The following ZDHHC21 variants were observed in gnomAD, a reference collection of about 807,000 sequenced individuals.
ZDHHC21 encodes palmitoyltransferase ZDHHC21.
A neutral mutation model predicts 34.6 loss-of-function variants in ZDHHC21; 15 were observed. The ratio of observed to expected loss-of-function variants is 0.43; its 90% CI spans 0.29 to 0.67. The LOEUF is 0.67. Ranked by LOEUF, ZDHHC21 falls within the 30% of genes least tolerant of loss-of-function variation. The pLI is 0.14. For synonymous variants in ZDHHC21, 142 were observed against 101.8 expected, an observed-to-expected ratio of 1.40 and a Z score of -2.38; for missense variants, 344 against 327.7, an observed-to-expected ratio of 1.05 and a Z score of -0.38.
In ZDHHC21 at chr9:14,658,958, A is replaced by C. The variant is rs1413003583; in HGVS notation, c.366-71T>G. ...AGTTCACCTCAGGATCAATAAGACT[A>C]AATTAAAAACAAATAATATCACATA... On this transcript the variant is annotated intron_variant, in intron 6 of 9. Coordinates refer to ENST00000380916, the MANE Select transcript of ZDHHC21 (RefSeq NM_178566.6). 4.7e-6 allele frequency: 7 copies of C among 1,478,880 alleles called. No homozygotes were observed. In the African/African-American group the frequency reaches 8.5e-5, roughly 18 times the overall value. 91.6% of individuals were successfully genotyped at this position (1,478,880 alleles called of 1,614,324 possible).
At chr9:14,658,464 C>CTTTTTTTTTTTTTT (rs769819264) in intron 7 of ZDHHC21, among the ~76,000 whole-genome samples, 2 of 65,390 alleles carry the variant, frequency 3.1e-5, no homozygotes, top group Admixed American at 2.7e-4. Context: ...ATAAACATTT[C>CTTTTTTTTTTTTTT]TTTTTTTTTT....
At chr9:14,693,126 G>A (rs1208166567) in intron 1 of ZDHHC21, 103 bp downstream of exon 1, 2 of 212,698 alleles carry the variant, frequency 9.4e-6, no homozygotes, top group Non-Finnish European at 1.9e-5. Flanking sequence ...GAGGAGCGGC[G>A]GGCGGGCCCG....
At chr9:14,675,148 G>C (rs756870038) in intron 3 of ZDHHC21, among the ~76,000 whole-genome samples, 17 of 151,782 alleles carry the variant, frequency 1.1e-4, no homozygotes, top group Non-Finnish European at 2.5e-4. Flanking sequence ...TTTTTTAGTT[G>C]AGTGTTAACA....
rs1293490169 is a variant in ZDHHC21 at position 14,616,799 on chromosome 9, T to C, written c.*2167A>G. ...CAAATAAAATAAGTGTATGCTTTTC[T>C]AGTATATTAGTTTGTAGTCCAATAA... On this transcript the variant is annotated 3_prime_UTR_variant, in exon 10 of 10. Transcript: ENST00000380916. 1 of 151,864 alleles carries C rather than the reference T, an allele frequency of 6.6e-6. No individual in the cohort carries two copies. The highest frequency in any genetic ancestry group is 1.5e-5 in the Non-Finnish European group (1 of 67,840). The allele number at this position is 151,864 out of a possible 1,614,324, so 9.4% of individuals were successfully genotyped here.
Position 14,674,222 on chromosome 9 carries a change from T to C in ZDHHC21, c.119A>G (p.Tyr40Cys), listed in dbSNP as rs540427235. 8 of 1,566,992 alleles carry C rather than the reference T, an allele frequency of 5.1e-6. No individual in the cohort carries two copies. In the Admixed American group the frequency reaches 9.6e-5, roughly 19 times the overall value. ...TATGCCTGGAATATGTCCTTCTTCA[T>C]AGTGAGGAAAGAGGACAATTTTGGG... is the stretch of plus-strand genomic sequence containing the variant. ...LIPKIVLFPH[Y>C]EEGHIPGILI... Residue 40 changes from tyrosine to cysteine, a missense_variant, in exon 4 of 10, where the codon TAT becomes TGT. Tyr to Cys is a radical substitution (Grantham distance 194). Coordinates refer to ENST00000380916, the MANE Select transcript of ZDHHC21 (RefSeq NM_178566.6).
intron 8 of ZDHHC21, among the ~76,000 whole-genome samples, chr9:14,626,018 T>C (rs1047304046): frequency 4.6e-5 from 7 of 151,998 alleles, no homozygotes; most frequent in Non-Finnish European, 8.8e-5. Flanking sequence ...TATACAATAA[T>C]GTTTTGTAGA....
intron 8 of ZDHHC21, among the ~76,000 whole-genome samples, chr9:14,636,008 T>C (rs1333020582): frequency 6.6e-6 from 1 of 152,044 alleles, no homozygotes; most frequent in East Asian, 1.9e-4. Flanking sequence ...AAAGCATATA[T>C]AAAACAATCA....
At chr9:14,619,562 C>A in intron 9 of ZDHHC21, 77 bp downstream of exon 9, 2 of 1,116,820 alleles carry the variant, frequency 1.8e-6, no homozygotes, top group Non-Finnish European at 2.6e-6. Context: ...ATCTATCTAC[C>A]ATATGCACAT....
chr9:14,625,410 T>A (rs75813856), intron 8 of ZDHHC21, among the ~76,000 whole-genome samples: 1 of 152,010 alleles, frequency 6.6e-6, no homozygotes, highest in African/African-American at 2.4e-5. Flanking sequence ...CAACAGATCT[T>A]ATATTTATAG....
chr9:14,633,255 A>C (rs1436193868), intron 8 of ZDHHC21, among the ~76,000 whole-genome samples: 4 of 152,314 alleles, frequency 2.6e-5, no homozygotes, highest in Non-Finnish European at 5.9e-5. Context: ...ACACCATCCT[A>C]AAGCAAGGAC....
At chr9:14,631,110 C>T (rs927069224) in intron 8 of ZDHHC21, among the ~76,000 whole-genome samples, 1 of 152,214 alleles carries the variant, frequency 6.6e-6, no homozygotes, top group Admixed American at 6.5e-5. Flanking sequence ...AGAAGTCCTA[C>T]ATGGCATCTT....
At chr9:14,644,455 G>A (rs1284579348) in intron 7 of ZDHHC21, among the ~76,000 whole-genome samples, 1 of 151,830 alleles carries the variant, frequency 6.6e-6, no homozygotes, top group Non-Finnish European at 1.5e-5. Context: ...CAACCTGGAG[G>A]GAAGAAGTCA....
chr9:14,675,845 G>C (rs1392875880), intron 3 of ZDHHC21, among the ~76,000 whole-genome samples: 1 of 151,978 alleles, frequency 6.6e-6, no homozygotes, highest in African/African-American at 2.4e-5. Flanking sequence ...TTCAGTCTTA[G>C]AAGGTTAGTA....
intron 8 of ZDHHC21, among the ~76,000 whole-genome samples, chr9:14,629,687 G>A (rs1826978030): frequency 6.6e-6 from 1 of 152,032 alleles, no homozygotes. Flanking sequence ...TTGCTGGTAG[G>A]GGGTCTTACC....
At chr9:14,641,833 G>C (rs1402102552) in intron 7 of ZDHHC21, among the ~76,000 whole-genome samples, 5 of 151,896 alleles carry the variant, frequency 3.3e-5, no homozygotes, top group Admixed American at 1.3e-4. Context: ...TTATATAAAA[G>C]AGTGCTGTTG....
At chr9:14,665,013 G>C (rs1834146314) in intron 5 of ZDHHC21, among the ~76,000 whole-genome samples, 1 of 129,720 alleles carries the variant, frequency 7.7e-6, no homozygotes, top group Non-Finnish European at 1.6e-5. Context: ...ACTTTGACGA[G>C]CTGAGAGAAG....
intron 5 of ZDHHC21, among the ~76,000 whole-genome samples, chr9:14,664,637 C>G (rs1834063149): frequency 6.6e-6 from 1 of 150,542 alleles, no homozygotes; most frequent in South Asian, 2.1e-4. Flanking sequence ...AGTGGTTCTC[C>G]CTGCACGCAG....
intron 3 of ZDHHC21, among the ~76,000 whole-genome samples, chr9:14,675,418 C>T (rs1836194054): frequency 6.6e-6 from 1 of 151,842 alleles, no homozygotes; most frequent in African/African-American, 2.4e-5. Context: ...TACATATTCC[C>T]AGACCCCATT....
At chr9:14,668,278 G>A (rs898863170) in intron 5 of ZDHHC21, among the ~76,000 whole-genome samples, 2 of 131,400 alleles carry the variant, frequency 1.5e-5, no homozygotes, top group African/African-American at 2.9e-5. Context: ...AAAATACCTA[G>A]GAATCCAACT....
Sources: allele counts gnomAD v4.1 joint callset (sites outside exome capture counted in the v4.1 genomes callset), GRCh38; gene constraint gnomAD v4.1.1; transcripts MANE v1.5; gene names NCBI Gene and HGNC (gene_info 2026-07-23, HGNC 2026-07-21).